The following RBFOX3 variants were observed in gnomAD, a reference collection of about 807,000 sequenced individuals.
The protein encoded by RBFOX3 is RNA binding protein fox-1 homolog 3.
Under a neutral mutation model 48.7 loss-of-function variants are expected in RBFOX3, and 17 were observed. The ratio of observed to expected loss-of-function variants is 0.35; its 90% CI spans 0.24 to 0.52. The LOEUF is 0.52. Among genes scored for constraint, RBFOX3 ranks in the 20% least tolerant of loss-of-function variants. RBFOX3 has a pLI of 0.94. For missense variants in RBFOX3, 382 were observed against 497.5 expected, an observed-to-expected ratio of 0.77 and a Z score of 2.21; for synonymous variants, 212 against 209.5, an observed-to-expected ratio of 1.01 and a Z score of -0.10.
At chr17:79,513,470 T>C (rs1028941049) in intron 1 of RBFOX3, among the ~76,000 whole-genome samples, 2 of 152,206 alleles carry the variant, frequency 1.3e-5, no homozygotes, top group African/African-American at 4.8e-5. Flanking sequence ...AGGTGGCACA[T>C]ACCTGGAAGC....
intron 8 of RBFOX3, 73 bp from the exon 9 acceptor site, chr17:79,101,717 C>T: frequency 7.5e-7 from 1 of 1,332,686 alleles, no homozygotes. Flanking sequence ...CCACTCCTCC[C>T]CGCCCTGCTC....
chr17:79,492,414 T>G (rs1448979559), intron 1 of RBFOX3, among the ~76,000 whole-genome samples: 1 of 152,178 alleles, frequency 6.6e-6, no homozygotes, highest in African/African-American at 2.4e-5. Context: ...GCTCCATCTT[T>G]CTCTCACTCT....
Position 79,243,525 on chromosome 17 carries a change from T to C in RBFOX3, c.-73-7720A>G, listed in dbSNP as rs953227792. 6.6e-6 allele frequency among the ~76,000 whole-genome samples: 1 copy of C among 152,126 alleles called. No homozygotes were observed. Among genetic ancestry groups the C allele is most frequent in the Admixed American group, 6.5e-5 (1 of 15,278 alleles). ...GACTGTGGAGTCGACCACAGTCAAT[T>C]GCTTGGGTGATATATTAGAGGTTCT... On this transcript the variant is annotated intron_variant, in intron 3 of 14. Coordinates refer to ENST00000693108, the MANE Select transcript of RBFOX3 (RefSeq NM_001350451.2). The surrounding 1 kb of genome is among the most constrained non-coding windows in gnomAD (Gnocchi z 7.9).
chr17:79,295,964 C>T (rs2074268560), intron 3 of RBFOX3, among the ~76,000 whole-genome samples: 1 of 151,802 alleles, frequency 6.6e-6, no homozygotes, highest in Admixed American at 6.6e-5. Context: ...GCGTCATTCC[C>T]AGTGGCCCAG....
chr17:79,261,596 G>C (rs1408034748), intron 3 of RBFOX3, among the ~76,000 whole-genome samples: 1 of 152,246 alleles, frequency 6.6e-6, no homozygotes, highest in Non-Finnish European at 1.5e-5. Context: ...TGATGCGGCA[G>C]GTCTGGGGTG....
chr17:79,410,312 G>A (rs939414605), intron 2 of RBFOX3, among the ~76,000 whole-genome samples: 1 of 152,212 alleles, frequency 6.6e-6, no homozygotes, highest in Admixed American at 6.5e-5. Context: ...TGCGTTTCAG[G>A]CTGGTTCTCG....
chr17:79,516,889 G>A (rs921142007), intron 1 of RBFOX3, among the ~76,000 whole-genome samples: 24 of 152,238 alleles, frequency 1.6e-4, no homozygotes, highest in African/African-American at 4.6e-4. Context: ...ACAAAAGGTC[G>A]GATGTCGTAC....
chr17:79,159,016 C>A (rs1184686090), intron 4 of RBFOX3, among the ~76,000 whole-genome samples: 5 of 152,222 alleles, frequency 3.3e-5, no homozygotes, highest in East Asian at 1.9e-4. Flanking sequence ...GGCGAGGCTG[C>A]AGGCCATGTC....
chr17:79,422,568 C>G (rs781785291), intron 2 of RBFOX3, among the ~76,000 whole-genome samples: 10 of 152,228 alleles, frequency 6.6e-5, no homozygotes, highest in African/African-American at 2.4e-4. Context: ...GGCAGACACT[C>G]GGTCTGGGCA....
At chr17:79,622,204 G>A in the RBFOX3 span, among the ~76,000 whole-genome samples, 246 of 152,172 alleles carry the variant, frequency 1.6e-3, no homozygotes, top group South Asian at 0.011. Context: ...GGCCACCACC[G>A]CCAGCCAGAC....
chr17:79,102,787 T>C (rs1458900529), intron 8 of RBFOX3, among the ~76,000 whole-genome samples: 1 of 152,136 alleles, frequency 6.6e-6, no homozygotes, highest in Non-Finnish European at 1.5e-5. Context: ...CAGCCGCTGC[T>C]CCATGGTGAG....
chr17:79,162,734 T>G (rs944051484), intron 4 of RBFOX3, among the ~76,000 whole-genome samples: 5 of 150,288 alleles, frequency 3.3e-5, no homozygotes, highest in Admixed American at 6.6e-5. Flanking sequence ...AGCCCTCGGG[T>G]GTTGTGGGTG....
At chr17:79,127,422 A>C (rs912805441) in intron 4 of RBFOX3, among the ~76,000 whole-genome samples, 1 of 152,200 alleles carries the variant, frequency 6.6e-6, no homozygotes, top group Non-Finnish European at 1.5e-5. Context: ...AGGTGGGAAG[A>C]ACGGAGGAAC....
chr17:79,527,156 CCAGA>C (rs2086907526), intron 1 of RBFOX3, among the ~76,000 whole-genome samples: 1 of 152,266 alleles, frequency 6.6e-6, no homozygotes, highest in Admixed American at 6.5e-5. Context: ...TGTCACCCGC[CCAGA>C]CAAAGGAGAA....
At chr17:79,405,793 T>C (rs2063466579) in intron 2 of RBFOX3, among the ~76,000 whole-genome samples, 1 of 152,228 alleles carries the variant, frequency 6.6e-6, no homozygotes. Context: ...ACTCTTCACC[T>C]GCCAAGATGC....
chr17:79,105,157 G>A (rs528648453), intron 6 of RBFOX3, among the ~76,000 whole-genome samples: 1 of 152,244 alleles, frequency 6.6e-6, no homozygotes, highest in East Asian at 1.9e-4. Flanking sequence ...CTGGAGGCGG[G>A]GGGTGCAGCA....
intron 2 of RBFOX3, among the ~76,000 whole-genome samples, chr17:79,398,194 G>C (rs77213408): frequency 5.9e-4 from 90 of 152,194 alleles, no homozygotes; most frequent in African/African-American, 2.1e-3. Context: ...GATCCTGCTG[G>C]GCCTCGGGAG....
At chr17:79,129,865 G>A (rs1675272) in intron 4 of RBFOX3, among the ~76,000 whole-genome samples, 31,789 of 152,212 alleles carry the variant, frequency 0.21, 3,464 homozygotes, top group Middle Eastern at 0.25. Context: ...CCATGCCAGG[G>A]AGGGGAGGAA....
chr17:79,139,980 C>T (rs957192648), intron 4 of RBFOX3, among the ~76,000 whole-genome samples: 1 of 152,192 alleles, frequency 6.6e-6, no homozygotes, highest in African/African-American at 2.4e-5. Flanking sequence ...AGGGGCAGGG[C>T]CAGGCCTGGT....
Sources: allele counts gnomAD v4.1 joint callset (sites outside exome capture counted in the v4.1 genomes callset), GRCh38; gene constraint gnomAD v4.1.1; non-coding constraint Gnocchi (gnomAD v3.1); transcripts MANE v1.5; gene names NCBI Gene and HGNC (gene_info 2026-07-23, HGNC 2026-07-21).